The following ABLIM1 variants were observed in gnomAD, a reference collection of about 807,000 sequenced individuals.
ABLIM1 encodes the protein actin-binding LIM protein 1.
ABLIM1 carries 40 observed loss-of-function variants against 107.0 expected under a neutral mutation model. That is an observed-to-expected ratio of 0.37 (90% confidence interval 0.29 to 0.49). The LOEUF (loss-of-function observed/expected upper bound fraction) is 0.49. Among genes scored for constraint, ABLIM1 ranks in the 20% least tolerant of loss-of-function variants. ABLIM1 has a pLI of 0.97. For synonymous variants in ABLIM1, 357 were observed against 357.3 expected (o/e 1.00, Z 0.01); for missense variants, 857 against 1,008.5 (o/e 0.85, Z 2.04).
At chr10:114,474,634 C>G (rs1478457296) in intron 8 of ABLIM1, among the ~76,000 whole-genome samples, 1 of 152,182 alleles carries the variant, frequency 6.6e-6, no homozygotes, top group African/African-American at 2.4e-5. Flanking sequence ...CCCGCCTCCA[C>G]CTCCCCAAGT....
the ABLIM1 span, among the ~76,000 whole-genome samples, chr10:114,776,673 G>A: frequency 4.7e-3 from 712 of 152,252 alleles, 10 homozygotes; most frequent in African/African-American, 0.016. Context: ...CATCCAGGCT[G>A]GAATGCAGTG....
chr10:114,581,049 G>C (rs556813826), intron 2 of ABLIM1, among the ~76,000 whole-genome samples: 1 of 152,274 alleles, frequency 6.6e-6, no homozygotes, highest in South Asian at 2.1e-4. Context: ...AAAAAGTCCT[G>C]TGCCTTGTGG....
At chr10:114,611,637 T>C (rs1451400743) in intron 1 of ABLIM1, among the ~76,000 whole-genome samples, 1 of 152,112 alleles carries the variant, frequency 6.6e-6, no homozygotes, top group African/African-American at 2.4e-5. Context: ...TTAATCTGAT[T>C]CCCCCAAGGC....
At chr10:114,448,049 T>G in intron 14 of ABLIM1, 29 bp from the exon 15 acceptor site, 1 of 1,613,926 alleles carries the variant, frequency 6.2e-7, no homozygotes, top group Non-Finnish European at 8.5e-7. Context: ...CAGGGGTTGC[T>G]TAGCTATTGG....
intron 6 of ABLIM1, among the ~76,000 whole-genome samples, chr10:114,520,174 G>A (rs367874371): frequency 5.3e-5 from 8 of 152,294 alleles, no homozygotes; most frequent in African/African-American, 1.9e-4. Flanking sequence ...ATAGACAGAA[G>A]TCTTAATCAT....
At chr10:114,717,848 G>A (rs1333012675) in intron 1 of ABLIM1, among the ~76,000 whole-genome samples, 2 of 150,844 alleles carry the variant, frequency 1.3e-5, no homozygotes, top group East Asian at 2.0e-4. Context: ...GGGAGGTTGA[G>A]GCTGCCATCA....
Position 114,718,054 on chromosome 10 carries a change from A to AAAGG in ABLIM1, c.-213+50006_-213+50007insCCTT, listed in dbSNP as rs1179904714. ...AGGAGAAAGAGAAAGAGAAAGAAAG[A>AAAGG]AAGAAAGAAAGGAAGAAAGGAAGGA... is the stretch of plus-strand genomic sequence containing the variant. On this transcript the variant is annotated intron_variant, in intron 1 of 15. Coordinates refer to the ABLIM1 transcript ENST00000651092. Among the ~76,000 whole-genome samples the AAAGG allele has an allele frequency of 1.2e-3, 86 of 69,390 alleles. 1 individual carries two copies. The highest frequency in any genetic ancestry group is 3.8e-3 in the African/African-American group (74 of 19,600). 45.5% of individuals were successfully genotyped at this position (69,390 alleles called of 152,430 possible). A position where few individuals can be genotyped will look rare whatever the true frequency, so the allele number is the denominator to read the frequency against.
At chr10:114,536,168 C>T (rs2065974589) in intron 6 of ABLIM1, among the ~76,000 whole-genome samples, 1 of 149,796 alleles carries the variant, frequency 6.7e-6, no homozygotes, top group Admixed American at 6.6e-5. Context: ...CCACACATTT[C>T]ATACAAATGG....
At chr10:114,476,619 G>A (rs2056456511) in intron 8 of ABLIM1, among the ~76,000 whole-genome samples, 1 of 146,768 alleles carries the variant, frequency 6.8e-6, no homozygotes, top group South Asian at 2.2e-4. Flanking sequence ...ACTCCAGCCT[G>A]GGCAACAAGA....
At chr10:114,612,685 A>G (rs2076889719) in intron 1 of ABLIM1, among the ~76,000 whole-genome samples, 1 of 152,236 alleles carries the variant, frequency 6.6e-6, no homozygotes. Context: ...ATCCAGTCTA[A>G]CAAATGGGCA....
intron 1 of ABLIM1, among the ~76,000 whole-genome samples, chr10:114,767,568 G>C (rs2082926733): frequency 6.6e-6 from 1 of 151,610 alleles, no homozygotes; most frequent in South Asian, 2.1e-4. Flanking sequence ...TGGGTGGGGA[G>C]TGGAAGGGGA....
rs1235972050 is a variant in ABLIM1, at chr10:114,468,168, A to G, written c.1311+13T>C. ...TTCCACCCATTAAAATGATAAAAAG[A>G]AATGGTACTTACTTCTGCTGATGGA... On this transcript the variant is annotated intron_variant, in intron 11 of 22. Coordinates refer to ENST00000533213, the MANE Select transcript of ABLIM1 (RefSeq NM_002313.7). The G allele has an allele frequency of 6.2e-7, 1 of 1,611,058 alleles. No individual in the cohort carries two copies.
chr10:114,526,461 C>A (rs529179353), intron 6 of ABLIM1, among the ~76,000 whole-genome samples: 4 of 152,286 alleles, frequency 2.6e-5, no homozygotes, highest in African/African-American at 9.6e-5. Context: ...AAGCTCCTGT[C>A]GTTTCTTTTG....
At chr10:114,769,529 A>G (rs1352242273), upstream of ABLIM1, among the ~76,000 whole-genome samples, 1 of 148,010 alleles carries the variant, frequency 6.8e-6, no homozygotes, top group Non-Finnish European at 1.5e-5. Context: ...GGGAAGGAGA[A>G]AAGAAAGGAA....
At chr10:114,750,334 C>T (rs2082484325) in intron 1 of ABLIM1, among the ~76,000 whole-genome samples, 1 of 152,178 alleles carries the variant, frequency 6.6e-6, no homozygotes, top group Non-Finnish European at 1.5e-5. Flanking sequence ...ACCAACCCTT[C>T]TTTAGAGAAA....
chr10:114,565,788 C>CTATTTTTTTTTT (rs2070607334), intron 4 of ABLIM1, among the ~76,000 whole-genome samples: 1 of 101,070 alleles, frequency 9.9e-6, no homozygotes, highest in East Asian at 2.9e-4. Context: ...GAAATGATTT[C>CTATTTTTTTTTT]TTTTTTTTTT....
At chr10:114,458,548 C>T (rs1220390393) in intron 12 of ABLIM1, among the ~76,000 whole-genome samples, 1 of 152,154 alleles carries the variant, frequency 6.6e-6, no homozygotes, top group Non-Finnish European at 1.5e-5. Flanking sequence ...AAATGAACAT[C>T]TTGAGGGAAC....
At chr10:114,615,377 C>T (rs2497669) in intron 1 of ABLIM1, among the ~76,000 whole-genome samples, 3,842 of 152,250 alleles carry the variant, frequency 0.025, 157 homozygotes, top group African/African-American at 0.087. Flanking sequence ...AGCTCCCTCT[C>T]CTCCTTCTGG....
At chr10:114,783,334 G>T in the ABLIM1 span, among the ~76,000 whole-genome samples, 1 of 151,898 alleles carries the variant, frequency 6.6e-6, no homozygotes, top group Non-Finnish European at 1.5e-5. Context: ...GAGAGAAAAA[G>T]AAAGGGAAAG....
Sources: gnomAD v4.1 joint callset for allele counts (sites outside exome capture counted in the v4.1 genomes callset) on GRCh38, gnomAD v4.1.1 for gene constraint, MANE v1.5 for transcripts, NCBI Gene and HGNC (gene_info 2026-07-23, HGNC 2026-07-21) for gene names.